KCNQ5: variants seen among roughly 807,000 people sequenced by gnomAD.
KCNQ5 encodes potassium voltage-gated channel subfamily KQT member 5.
In KCNQ5, 30 loss-of-function variants were observed where a neutral mutation model predicts 98.2. The ratio of observed to expected loss-of-function variants is 0.31; its 90% CI spans 0.23 to 0.41. The LOEUF (loss-of-function observed/expected upper bound fraction) is 0.41. Ranked by LOEUF, KCNQ5 falls within the 10% of genes least tolerant of loss-of-function variation. The pLI, the probability that KCNQ5 is intolerant of heterozygous loss-of-function variation, is 1.00. For missense variants in KCNQ5, 835 were observed against 1,182.5 expected (o/e 0.71, Z 4.31); for synonymous variants, 458 against 449.4 (o/e 1.02, Z -0.24).
chr6:72,919,327 G>C (rs1780293548), intron 1 of KCNQ5, among the ~76,000 whole-genome samples: 1 of 152,188 alleles, frequency 6.6e-6, no homozygotes, highest in Non-Finnish European at 1.5e-5. Context: ...TCAAAACATA[G>C]CTATTGCCAC....
chr6:72,861,755 C>A (rs961559032), intron 1 of KCNQ5, among the ~76,000 whole-genome samples: 1 of 151,850 alleles, frequency 6.6e-6, no homozygotes, highest in Non-Finnish European at 1.5e-5. Context: ...ATGTTTCGGG[C>A]CCCATAAAAC....
Position 72,955,494 on chromosome 6 carries a change from C to T in KCNQ5, c.399-48414C>T, listed in dbSNP as rs541647942. On this transcript the variant is annotated intron_variant, in intron 1 of 13. Coordinates refer to ENST00000370398, the MANE Select transcript of KCNQ5 (RefSeq NM_019842.4). Reference sequence around the variant, plus strand: ...GCTTTGAGTGTTGCCAAAATGCATGCTCACCCTAATCTATTATAACTATAA... The same window carrying T: ...GCTTTGAGTGTTGCCAAAATGCATGTTCACCCTAATCTATTATAACTATAA... Among the ~76,000 whole-genome samples the T allele has an allele frequency of 2.0e-5, 3 of 152,204 alleles. No individual in the cohort carries two copies. In the East Asian group the frequency reaches 5.8e-4, roughly 29 times the overall value.
chr6:73,117,426 A>G (rs971952703), intron 7 of KCNQ5, among the ~76,000 whole-genome samples: 11 of 152,256 alleles, frequency 7.2e-5, no homozygotes, highest in African/African-American at 2.7e-4. Context: ...TGAAGGGAAC[A>G]AGAGCTTAGC....
chr6:73,194,124 C>T (rs987255725), intron 13 of KCNQ5, among the ~76,000 whole-genome samples: 5 of 152,294 alleles, frequency 3.3e-5, no homozygotes, highest in African/African-American at 1.2e-4. Context: ...GCATGAGCCA[C>T]TGCACCCAGC....
chr6:72,689,040 A>G (rs948856607), intron 1 of KCNQ5, among the ~76,000 whole-genome samples: 1 of 152,258 alleles, frequency 6.6e-6, no homozygotes, highest in Non-Finnish European at 1.5e-5. Flanking sequence ...ACCTTAAGTC[A>G]TTAAATGTTC....
chr6:73,045,956 G>A (rs895553390), intron 3 of KCNQ5, among the ~76,000 whole-genome samples: 2 of 151,874 alleles, frequency 1.3e-5, no homozygotes, highest in Non-Finnish European at 2.9e-5. Flanking sequence ...TATTTTCAGT[G>A]TAATTATTTC....
At chr6:73,152,874 T>C (rs1294430804) in intron 10 of KCNQ5, among the ~76,000 whole-genome samples, 1 of 152,184 alleles carries the variant, frequency 6.6e-6, no homozygotes, top group Non-Finnish European at 1.5e-5. Context: ...ACTACCATTA[T>C]TACGATAACG....
intron 1 of KCNQ5, among the ~76,000 whole-genome samples, chr6:72,956,848 G>T (rs1480493726): frequency 6.6e-6 from 1 of 152,090 alleles, no homozygotes; most frequent in East Asian, 1.9e-4. Context: ...CCACCAAGAT[G>T]GGCTTCTGAC....
chr6:73,125,814 C>T (rs1775960151), intron 9 of KCNQ5, among the ~76,000 whole-genome samples: 1 of 125,336 alleles, frequency 8.0e-6, no homozygotes, highest in African/African-American at 3.1e-5. Context: ...CATTAAAGTT[C>T]TTTCTCTTAT....
At chr6:73,055,570 C>G in intron 3 of KCNQ5, 2 of 1,394,078 alleles carry the variant, frequency 1.4e-6, no homozygotes, top group Non-Finnish European at 2.0e-6. Context: ...ACACTATTGC[C>G]AGAGCTCTGC....
chr6:73,150,172 C>T (rs1288603954), intron 10 of KCNQ5, among the ~76,000 whole-genome samples: 1 of 151,880 alleles, frequency 6.6e-6, no homozygotes, highest in African/African-American at 2.4e-5. Flanking sequence ...CACTACACAC[C>T]TGCCAGAATG....
In KCNQ5 at chr6:72,646,203, C is replaced by G. The variant is rs1001257297; in HGVS notation, c.398+23616C>G. On this transcript the variant is annotated intron_variant, in intron 1 of 13. Transcript: ENST00000370398. Reference sequence around the variant, plus strand: ...TCCCATCCATCATACTACATCTTCTCAAATATTGAGAATATTGTCTTTTAA... The same window carrying G: ...TCCCATCCATCATACTACATCTTCTGAAATATTGAGAATATTGTCTTTTAA... Among the ~76,000 whole-genome samples the G allele has an allele frequency of 3.2e-4, 49 of 152,064 alleles. 2 individuals are homozygous for G. Among genetic ancestry groups the G allele is most frequent in the African/African-American group, 1.2e-3 (48 of 41,484 alleles).
At chr6:72,736,090 C>CAG (rs1205060946) in intron 1 of KCNQ5, among the ~76,000 whole-genome samples, 1 of 148,082 alleles carries the variant, frequency 6.8e-6, no homozygotes, top group African/African-American at 2.6e-5. Context: ...CACATACACA[C>CAG]ACACACACAC....
At chr6:72,646,051 C>T (rs1301052383) in intron 1 of KCNQ5, among the ~76,000 whole-genome samples, 1 of 152,040 alleles carries the variant, frequency 6.6e-6, no homozygotes, top group Non-Finnish European at 1.5e-5. Flanking sequence ...ATGTATAAGG[C>T]ATGCCCAATT....
intron 1 of KCNQ5, among the ~76,000 whole-genome samples, chr6:72,638,620 G>A (rs1360991322): frequency 6.6e-6 from 1 of 151,474 alleles, no homozygotes; most frequent in African/African-American, 2.4e-5. Context: ...TCCAAAACAG[G>A]TTAAAGGCAA....
chr6:73,159,594 T>C (rs1777528610), intron 10 of KCNQ5, among the ~76,000 whole-genome samples: 1 of 152,214 alleles, frequency 6.6e-6, no homozygotes, highest in Non-Finnish European at 1.5e-5. Flanking sequence ...GTGTACCAAA[T>C]TCATGTCAAT....
chr6:73,152,837 C>T (rs1353908586), intron 10 of KCNQ5, among the ~76,000 whole-genome samples: 7 of 152,184 alleles, frequency 4.6e-5, no homozygotes, highest in African/African-American at 1.7e-4. Context: ...AGAGTAGCTA[C>T]TCAAACTCCT....
chr6:72,806,109 G>T lies in KCNQ5; in HGVS notation c.398+183522G>T, dbSNP rs74751280. Among the ~76,000 whole-genome samples, 553 of 152,214 alleles carry T rather than the reference G, an allele frequency of 3.6e-3. 20 individuals are homozygous for T. In the East Asian group the frequency reaches 0.092, roughly 25 times the overall value. ...TTTGACTTTATCTCTTTCTTTGATG[G>T]TCTTTCATGATGCTAAACAAGTCCT... is the stretch of plus-strand genomic sequence containing the variant. On this transcript the variant is annotated intron_variant, in intron 1 of 13. Coordinates refer to ENST00000370398, the MANE Select transcript of KCNQ5 (RefSeq NM_019842.4).
intron 10 of KCNQ5, among the ~76,000 whole-genome samples, chr6:73,139,655 C>G (rs1327967742): frequency 1.3e-5 from 2 of 152,114 alleles, no homozygotes; most frequent in African/African-American, 4.8e-5. Context: ...ACTAGACTGT[C>G]TCCTTGAATT....
Sources: allele counts gnomAD v4.1 joint callset (sites outside exome capture counted in the v4.1 genomes callset), GRCh38; gene constraint gnomAD v4.1.1; transcripts MANE v1.5; gene names NCBI Gene and HGNC (gene_info 2026-07-23, HGNC 2026-07-21).